The following TSNARE1 variants were observed in gnomAD, a reference collection of about 807,000 sequenced individuals.
TSNARE1 encodes t-SNARE domain containing 1, also known as t-SNARE domain-containing protein 1.
Under a neutral mutation model 62.0 loss-of-function variants are expected in TSNARE1, and 49 were observed. The observed-to-expected ratio is 0.79, with a 90% CI of 0.63 to 1.00. TSNARE1 has a LOEUF of 1.00. TSNARE1 is among the 50% of genes least tolerant of loss of function. The probability of loss-of-function intolerance (pLI) is 0.00; values close to 1 mark genes in which losing one functional copy is unlikely to be tolerated. For synonymous variants in TSNARE1, 328 were observed against 294.4 expected (o/e 1.11, Z -1.17); for missense variants, 755 against 700.1 (o/e 1.08, Z -0.88).
intron 9 of TSNARE1, among the ~76,000 whole-genome samples, chr8:142,305,939 C>G (rs1031342298): frequency 6.6e-6 from 1 of 152,340 alleles, no homozygotes. Context: ...CTCTGCCAGG[C>G]ATTCAGAAAG....
At chr8:142,276,345 G>C in intron 11 of TSNARE1, 1 of 985,494 alleles carries the variant, frequency 1.0e-6, no homozygotes, top group Non-Finnish European at 1.2e-6. Context: ...AGGGAAGGAA[G>C]ATGGGGCCAG....
intron 12 of TSNARE1, among the ~76,000 whole-genome samples, chr8:142,242,549 A>G (rs1817713383): frequency 6.6e-6 from 1 of 152,262 alleles, no homozygotes; most frequent in Non-Finnish European, 1.5e-5. Flanking sequence ...ATCTATCAGG[A>G]ACCCAAACAA....
intron 10 of TSNARE1, among the ~76,000 whole-genome samples, chr8:142,289,064 G>A (rs868374552): frequency 1.3e-5 from 2 of 152,166 alleles, no homozygotes; most frequent in Non-Finnish European, 1.5e-5. Flanking sequence ...TCTTTAAGAC[G>A]CCTGGCACTC....
At chr8:142,215,755 G>A (rs746311127) in intron 13 of TSNARE1, among the ~76,000 whole-genome samples, 1 of 152,190 alleles carries the variant, frequency 6.6e-6, no homozygotes, top group Non-Finnish European at 1.5e-5. Flanking sequence ...GGCAGTGGCA[G>A]CCCCATGTGG....
intron 1 of TSNARE1, among the ~76,000 whole-genome samples, chr8:142,355,951 C>T (rs1412413509): frequency 2.6e-5 from 4 of 152,198 alleles, no homozygotes; most frequent in Non-Finnish European, 4.4e-5. Flanking sequence ...TCAGAACAAT[C>T]GGGACCCAAA....
intron 6 of TSNARE1, among the ~76,000 whole-genome samples, chr8:142,326,511 G>A (rs1243988280): frequency 7.2e-6 from 1 of 139,428 alleles, no homozygotes; most frequent in Non-Finnish European, 1.5e-5. Context: ...ACCAGCGAAG[G>A]GGAGGGCCCC....
chr8:142,221,132 C>T (rs74719980), intron 13 of TSNARE1, among the ~76,000 whole-genome samples: 2 of 152,214 alleles, frequency 1.3e-5, no homozygotes, highest in Non-Finnish European at 1.5e-5. Context: ...CTCTGCACCT[C>T]GGTTTTCTCA....
intron 1 of TSNARE1, among the ~76,000 whole-genome samples, chr8:142,361,544 G>T (rs1835163451): frequency 6.6e-6 from 1 of 152,198 alleles, no homozygotes; most frequent in Admixed American, 6.5e-5. Context: ...GGCGACCTGT[G>T]GCCTCCACGG....
rs554404233 is a variant in TSNARE1 at position 142,219,500 on chromosome 8, G to C, written c.*12-7187C>G. 1.1e-3 allele frequency among the ~76,000 whole-genome samples: 165 copies of C among 152,320 alleles called. 3 individuals carry two copies. The South Asian group carries it at 0.033, about 30-fold the overall frequency. On this transcript the variant is annotated intron_variant, in intron 13 of 13. Coordinates refer to ENST00000524325, the MANE Select transcript of TSNARE1 (RefSeq NM_145003.5). ...AAAGCTCCAGGAAATGTGGTGATCT[G>C]TCCCTGGGCACCCAGGTGGACCCGG...
intron 9 of TSNARE1, among the ~76,000 whole-genome samples, chr8:142,305,272 G>T (rs947054475): frequency 2.0e-5 from 3 of 151,442 alleles, no homozygotes; most frequent in African/African-American, 7.3e-5. Flanking sequence ...GACCTGCCTC[G>T]GATCTGTGCC....
At chr8:142,361,662 T>A (rs1264878996) in intron 1 of TSNARE1, among the ~76,000 whole-genome samples, 1 of 152,178 alleles carries the variant, frequency 6.6e-6, no homozygotes, top group African/African-American at 2.4e-5. Context: ...GGAGCTGAAC[T>A]CACTCCCAGG....
intron 11 of TSNARE1, chr8:142,275,450 G>C (rs1214145117): frequency 4.1e-6 from 4 of 985,228 alleles, no homozygotes; most frequent in Non-Finnish European, 4.8e-6. Context: ...GTGCCACCCA[G>C]GGAAGCCACA....
intron 12 of TSNARE1, among the ~76,000 whole-genome samples, chr8:142,256,047 C>CACCACT (rs1818503406): frequency 1.0e-5 from 1 of 96,200 alleles, no homozygotes; most frequent in African/African-American, 3.5e-5. Flanking sequence ...TCACCACCAC[C>CACCACT]GTCACCATCA....
intron 4 of TSNARE1, among the ~76,000 whole-genome samples, chr8:142,343,151 T>G (rs1832819841): frequency 6.6e-6 from 1 of 152,048 alleles, no homozygotes. Context: ...AGCCTCAGGG[T>G]CTGCAGAAGG....
intron 12 of TSNARE1, among the ~76,000 whole-genome samples, chr8:142,239,296 C>T (rs559230700): frequency 1.3e-5 from 2 of 152,324 alleles, no homozygotes; most frequent in African/African-American, 4.8e-5. Flanking sequence ...GGGGCAGCCA[C>T]GCCCTTTCCA....
At chr8:142,277,917 C>T in intron 11 of TSNARE1, 1 of 985,402 alleles carries the variant, frequency 1.0e-6, no homozygotes, top group Non-Finnish European at 1.2e-6. Context: ...CCTTCTCAGC[C>T]CCACACCACA....
chr8:142,274,479 G>T (rs540056147), intron 12 of TSNARE1: 2 of 985,496 alleles, frequency 2.0e-6, no homozygotes, highest in African/African-American at 3.5e-5. Context: ...GGTGGAGCGG[G>T]AAGGCCCCAA....
chr8:142,259,707 C>CCCCAGCA (rs1385479207), intron 12 of TSNARE1, among the ~76,000 whole-genome samples: 2 of 152,200 alleles, frequency 1.3e-5, no homozygotes, highest in Non-Finnish European at 2.9e-5. Context: ...AGGGCTGCCA[C>CCCCAGCA]CCCAGCACCG....
intron 1 of TSNARE1, among the ~76,000 whole-genome samples, chr8:142,357,530 C>T (rs889906503): frequency 4.6e-5 from 7 of 152,038 alleles, no homozygotes; most frequent in African/African-American, 1.4e-4. Context: ...GAGCAGGTGG[C>T]GGCAGGAACC....
Sources: allele counts gnomAD v4.1 joint callset (sites outside exome capture counted in the v4.1 genomes callset), GRCh38; gene constraint gnomAD v4.1.1; transcripts MANE v1.5; gene names NCBI Gene and HGNC (gene_info 2026-07-23, HGNC 2026-07-21).